Variants in CC2D2A observed in about 807,000 individuals in gnomAD.
The protein encoded by CC2D2A is coiled-coil and C2 domain containing 2A.
CC2D2A carries 155 observed loss-of-function variants against 212.9 expected under a neutral mutation model. The ratio of observed to expected loss-of-function variants is 0.73; its 90% CI spans 0.64 to 0.83. The LOEUF (loss-of-function observed/expected upper bound fraction) is 0.83. Among genes scored for constraint, CC2D2A ranks in the 40% least tolerant of loss-of-function variants. CC2D2A has a pLI of 0.00. For synonymous variants in CC2D2A, 667 were observed against 686.5 expected (o/e 0.97, Z 0.44); for missense variants, 1,856 against 1,956.2 (o/e 0.95, Z 0.97).
intron 29 of CC2D2A, among the ~76,000 whole-genome samples, chr4:15,577,916 G>A (rs1035431755): frequency 6.6e-6 from 1 of 152,066 alleles, no homozygotes; most frequent in Non-Finnish European, 1.5e-5. Context: ...CAGAGTGCCT[G>A]GAATTTTTCA....
intron 4 of CC2D2A, chr4:15,492,912 G>A: frequency 1.8e-6 from 1 of 546,520 alleles, no homozygotes; most frequent in Non-Finnish European, 3.5e-6. Context: ...GTGTAGCCCA[G>A]AATGCCCTTG....
At chr4:15,502,961 T>G in intron 6 of CC2D2A, 38 bp downstream of exon 6, 2 of 1,483,614 alleles carry the variant, frequency 1.3e-6, no homozygotes, top group Middle Eastern at 1.7e-4. Flanking sequence ...TCAAAACCAG[T>G]AAAGCAGAAT....
chr4:15,513,962 T>C (rs1716718719), intron 8 of CC2D2A, among the ~76,000 whole-genome samples: 1 of 152,168 alleles, frequency 6.6e-6, no homozygotes, highest in Admixed American at 6.5e-5. Context: ...TTTTAAAAGA[T>C]GTTGCTCATA....
At chr4:15,579,628 C>T (rs1294444121) in intron 29 of CC2D2A, among the ~76,000 whole-genome samples, 4 of 152,188 alleles carry the variant, frequency 2.6e-5, no homozygotes, top group African/African-American at 9.6e-5. Flanking sequence ...TCAAAATACA[C>T]ACAAAACTCT....
chr4:15,491,694 C>A (rs376932075), intron 4 of CC2D2A, among the ~76,000 whole-genome samples: 1 of 152,128 alleles, frequency 6.6e-6, no homozygotes, highest in Non-Finnish European at 1.5e-5. Flanking sequence ...CATGAGCCAC[C>A]GCACCCAGCT....
intron 28 of CC2D2A, 102 bp from the exon 29 acceptor site, chr4:15,574,048 A>C: frequency 8.4e-6 from 8 of 954,584 alleles, no homozygotes; most frequent in Non-Finnish European, 1.2e-5. Flanking sequence ...CAGTCTGAGC[A>C]ATTTTGGTTC....
chr4:15,494,700 C>T (rs950733311), intron 4 of CC2D2A, among the ~76,000 whole-genome samples: 1 of 152,120 alleles, frequency 6.6e-6, no homozygotes, highest in South Asian at 2.1e-4. Flanking sequence ...TCCTATGTAC[C>T]CATAGCATTA....
chr4:15,560,435 A>G, intron 22 of CC2D2A, 96 bp from the exon 23 acceptor site: 1 of 629,426 alleles, frequency 1.6e-6, no homozygotes, highest in Admixed American at 2.9e-5. Flanking sequence ...GACTGGGGGG[A>G]CACTGAGATG....
In CC2D2A at chr4:15,601,414, C is replaced by T. The variant is rs201219078; in HGVS notation, c.4852C>T (p.Arg1618Cys). The T allele has an allele frequency of 5.7e-5, 84 of 1,482,572 alleles. No homozygotes were observed. The highest frequency in any genetic ancestry group is 5.3e-4 in the African/African-American group (38 of 71,426). 91.8% of individuals were successfully genotyped at this position (1,482,572 alleles called of 1,614,324 possible). ...TTGGATCTATGTTGCCTCTCTTATA[C>T]GCAACAGGTAATTTTTTTCACTGTA... ...SVWIYVASLIRNR is the reference protein window; with the variant it reads ...SVWIYVASLICNR The change falls in exon 37 of 37, where the codon CGC becomes TGC. Residue 1618 changes from arginine (R) to cysteine (C), a missense_variant. Physicochemically the swap from Arg to Cys is radical, Grantham distance 180. Around this residue, in one of 5 missense-constraint regions of CC2D2A, gnomAD observed 285 missense variants for 278.4 expected, o/e 1.02. Coordinates refer to ENST00000424120, the MANE Select transcript of CC2D2A (RefSeq NM_001378615.1).
intron 4 of CC2D2A, among the ~76,000 whole-genome samples, chr4:15,483,674 C>A (rs1285824956): frequency 2.6e-5 from 4 of 152,204 alleles, no homozygotes; most frequent in Admixed American, 1.3e-4. Context: ...AATCCACACT[C>A]TCTTATTTAT....
At chr4:15,485,329 A>C (rs549838948) in intron 4 of CC2D2A, among the ~76,000 whole-genome samples, 1 of 152,348 alleles carries the variant, frequency 6.6e-6, no homozygotes, top group East Asian at 1.9e-4. Context: ...TTATGGCTGA[A>C]TAATATTCCA....
rs1716565049 is a variant in CC2D2A, at chr4:15,511,433, A to G, written c.717+10A>G. 1 of 1,526,038 alleles carries G rather than the reference A, an allele frequency of 6.6e-7. No individual in the cohort carries two copies. Among genetic ancestry groups the G allele is most frequent in the East Asian group, 2.5e-5 (1 of 40,656 alleles). The allele number at this position is 1,526,038 out of a possible 1,614,324, so 94.5% of individuals were successfully genotyped here. On this transcript the variant is annotated intron_variant, in intron 8 of 36. Transcript: ENST00000424120. ...AGGAGGAAAGGAAATGGTATTTAATATCAGGATGGTAATGAGGTGTGGGTG... is the reference window on the plus strand; with the variant it reads ...AGGAGGAAAGGAAATGGTATTTAATGTCAGGATGGTAATGAGGTGTGGGTG...
rs1418947124 is a variant in CC2D2A, at chr4:15,538,031, G to T, written c.1897G>T (p.Glu633Ter). 6.2e-7 allele frequency: 1 copy of T among 1,608,292 alleles called. No individual in the cohort carries two copies. The highest frequency in any genetic ancestry group is 8.5e-7 in the Non-Finnish European group (1 of 1,177,682). The stretch of plus-strand genomic sequence containing the variant: ...CACTGATCGGGCAGTGATAGAGCAG[G>T]AGGTGAGGGAGAGAGCAGCCCAGAG... ...EPTDRAVIEQ[E>*]VRERAAQSRR... is the part of the protein sequence containing the mutation. The change falls in exon 16 of 37, where the codon GAG (glutamate) becomes TAG (stop). Residue 633 changes from glutamate to a stop codon, truncating the protein, a stop_gained. Coordinates refer to ENST00000424120, the MANE Select transcript of CC2D2A (RefSeq NM_001378615.1). LOFTEE classifies it high-confidence loss of function.
chr4:15,597,383 T>G, intron 34 of CC2D2A, 24 bp from the exon 35 acceptor site: 1 of 1,526,200 alleles, frequency 6.6e-7, no homozygotes, highest in Non-Finnish European at 8.9e-7. Flanking sequence ...TTTTATACTT[T>G]CTGAACTATT....
At chr4:15,508,885 C>G (rs919264514) in intron 6 of CC2D2A, among the ~76,000 whole-genome samples, 5 of 152,148 alleles carry the variant, frequency 3.3e-5, no homozygotes, top group Admixed American at 6.6e-5. Context: ...GCCATGAACA[C>G]CTATATGTGC....
rs184954236 is a variant in CC2D2A at position 15,557,552 on chromosome 4, A to G, written c.2829+45A>G. 444 of 1,351,176 alleles carry G rather than the reference A, an allele frequency of 3.3e-4. 2 individuals carry two copies. In the African/African-American group the frequency reaches 5.6e-3, roughly 17 times the overall value. The allele number at this position is 1,351,176 out of a possible 1,614,324, so 83.7% of individuals were successfully genotyped here. ...GGGTTAATAAAATAATAAAGTACCT[A>G]CTGTGCTGTTAGGTATACTACTGTA... On this transcript the variant is annotated intron_variant, in intron 21 of 36. Transcript: ENST00000424120.
At chr4:15,521,373 C>G (rs955630074) in intron 11 of CC2D2A, among the ~76,000 whole-genome samples, 1 of 152,132 alleles carries the variant, frequency 6.6e-6, no homozygotes, top group Non-Finnish European at 1.5e-5. Flanking sequence ...TCACAATTAA[C>G]ATTTTTATCA....
Position 15,540,958 on chromosome 4 carries a change from T to C in CC2D2A, c.2125T>C (p.Phe709Leu), listed in dbSNP as rs747516455. 1 of 1,554,588 alleles carries C rather than the reference T, an allele frequency of 6.4e-7. No individual in the cohort carries two copies. The change falls in exon 17 of 37, where the codon TTT (phenylalanine) becomes CTT (leucine). Residue 709 changes from phenylalanine to leucine, a missense_variant. Physicochemically the swap from Phe to Leu is conservative, Grantham distance 22. Around this residue, in one of 5 missense-constraint regions of CC2D2A, gnomAD observed 1,512 missense variants for 1,579.3 expected, o/e 0.96. Coordinates refer to ENST00000424120, the MANE Select transcript of CC2D2A (RefSeq NM_001378615.1). Reference protein sequence around the residue: ...RPLGADFRVHFGQIFNLQIVN... With the variant: ...RPLGADFRVHLGQIFNLQIVN... The stretch of plus-strand genomic sequence containing the variant: ...ACTAGGAGCAGACTTCCGAGTTCAC[T>C]TTGGGCAGATTTTCAATTTGCAAAT...
chr4:15,519,253 CTT>C (rs1379365691), intron 11 of CC2D2A: 2 of 371,252 alleles, frequency 5.4e-6, no homozygotes, highest in African/African-American at 4.3e-5. Context: ...ACACCAGTCT[CTT>C]TGCTAAAATA....
Sources: gnomAD v4.1 joint callset for allele counts (sites outside exome capture counted in the v4.1 genomes callset) on GRCh38, gnomAD v4.1.1 for gene constraint, gnomAD v4.1.1 regional missense constraint, MANE v1.5 for transcripts, NCBI Gene and HGNC (gene_info 2026-07-23, HGNC 2026-07-21) for gene names.